CC2D2B: variants seen among roughly 807,000 people sequenced by gnomAD.
CC2D2B encodes the protein coiled-coil and C2 domain containing 2B.
A neutral mutation model predicts 161.2 loss-of-function variants in CC2D2B; 128 were observed. The ratio of observed to expected loss-of-function variants is 0.79; its 90% CI spans 0.69 to 0.92. The LOEUF is 0.92. Among genes scored for constraint, CC2D2B ranks in the 40% least tolerant of loss-of-function variants. The pLI, the probability that CC2D2B is intolerant of heterozygous loss-of-function variation, is 0.00. For missense variants in CC2D2B, 1,173 were observed against 1,375.1 expected (o/e 0.85, Z 2.32); for synonymous variants, 391 against 449.8 (o/e 0.87, Z 1.65).
intron 31 of CC2D2B, 59 bp downstream of exon 31, chr10:96,019,396 C>T: frequency 6.8e-7 from 1 of 1,461,142 alleles, no homozygotes; most frequent in South Asian, 1.3e-5. Context: ...CCTGGCTACA[C>T]ACTAGAATCA....
intron 9 of CC2D2B, among the ~76,000 whole-genome samples, chr10:95,943,097 G>A (rs1212768613): frequency 1.3e-5 from 2 of 152,054 alleles, no homozygotes; most frequent in Non-Finnish European, 2.9e-5. Flanking sequence ...TCAGTGTGAA[G>A]GCTCATTCTG....
At chr10:95,978,688 G>C (rs1428209715) in intron 17 of CC2D2B, among the ~76,000 whole-genome samples, 2 of 152,114 alleles carry the variant, frequency 1.3e-5, no homozygotes, top group Non-Finnish European at 2.9e-5. Context: ...CAGCCTATTA[G>C]CCACATCTCT....
intron 6 of CC2D2B, 41 bp downstream of exon 6, chr10:95,927,373 GA>G: frequency 1.9e-6 from 2 of 1,063,038 alleles, no homozygotes; most frequent in South Asian, 1.4e-5. Flanking sequence ...TCACTCTCAG[GA>G]AAAAATGATT....
intron 5 of CC2D2B, among the ~76,000 whole-genome samples, chr10:95,925,594 A>G (rs2098536992): frequency 6.6e-6 from 1 of 152,228 alleles, no homozygotes; most frequent in African/African-American, 2.4e-5. Context: ...TCATATTTTT[A>G]AAGAGTTATA....
chr10:95,947,115 T>A (rs28694788), intron 9 of CC2D2B, among the ~76,000 whole-genome samples: 2,066 of 25,492 alleles, frequency 0.081, 25 homozygotes, highest in African/African-American at 0.12. Flanking sequence ...ATATATATAT[T>A]TTTTTTTTTT....
intron 11 of CC2D2B, among the ~76,000 whole-genome samples, chr10:95,956,516 T>C (rs1375212056): frequency 6.6e-6 from 1 of 152,174 alleles, no homozygotes; most frequent in Non-Finnish European, 1.5e-5. Flanking sequence ...ATTTATAGAA[T>C]TGAAAAATAT....
intron 9 of CC2D2B, among the ~76,000 whole-genome samples, chr10:95,939,532 T>C (rs2075950494): frequency 6.6e-6 from 1 of 152,224 alleles, no homozygotes; most frequent in South Asian, 2.1e-4. Context: ...TATAGGTTTG[T>C]ATATGTTTAG....
intron 9 of CC2D2B, among the ~76,000 whole-genome samples, chr10:95,942,813 A>G (rs1365769003): frequency 6.6e-6 from 1 of 151,964 alleles, no homozygotes; most frequent in Non-Finnish European, 1.5e-5. Context: ...TTTTTCTTAT[A>G]GAAACTTTGA....
chr10:95,923,622 T>A (rs2098532338), intron 3 of CC2D2B, among the ~76,000 whole-genome samples: 1 of 152,196 alleles, frequency 6.6e-6, no homozygotes, highest in African/African-American at 2.4e-5. Flanking sequence ...TTTGTTTTGT[T>A]TTGTTTTGTT....
chr10:96,009,133 A>G (rs943772519), intron 25 of CC2D2B, among the ~76,000 whole-genome samples: 9 of 152,014 alleles, frequency 5.9e-5, no homozygotes, highest in African/African-American at 1.7e-4. Flanking sequence ...TAGTGTTTGT[A>G]TAACATATCT....
At chr10:96,011,157 G>A (rs1484573904) in intron 26 of CC2D2B, among the ~76,000 whole-genome samples, 1 of 152,234 alleles carries the variant, frequency 6.6e-6, no homozygotes, top group African/African-American at 2.4e-5. Context: ...AGGTAGGACA[G>A]TAGAGGTGCC....
At chr10:95,923,222 G>A (rs1309338070) in intron 3 of CC2D2B, among the ~76,000 whole-genome samples, 4 of 151,578 alleles carry the variant, frequency 2.6e-5, no homozygotes, top group East Asian at 1.9e-4. Flanking sequence ...GATTACAGGC[G>A]TGAGCCACTG....
intron 14 of CC2D2B, among the ~76,000 whole-genome samples, chr10:95,967,158 T>C (rs541538701): frequency 2.1e-4 from 32 of 152,248 alleles, no homozygotes; most frequent in African/African-American, 7.7e-4. Context: ...AAGTCACAAT[T>C]ATCACCACCC....
intron 19 of CC2D2B, among the ~76,000 whole-genome samples, chr10:95,985,584 C>A (rs2077685751): frequency 6.6e-6 from 1 of 152,080 alleles, no homozygotes; most frequent in Non-Finnish European, 1.5e-5. Flanking sequence ...CGCCCTAGGA[C>A]CCTGTGATGA....
Position 95,922,003 on chromosome 10 carries a change from G to A in CC2D2B, c.37-13G>A, listed in dbSNP as rs1225487629. The A allele has an allele frequency of 1.3e-6, 2 of 1,499,214 alleles. No individual in the cohort carries two copies. Among genetic ancestry groups the A allele is most frequent in the African/African-American group, 1.4e-5 (1 of 71,376 alleles). The allele number at this position is 1,499,214 out of a possible 1,614,324, so 92.9% of individuals were successfully genotyped here. A position where few individuals can be genotyped will look rare whatever the true frequency, so the allele number is the denominator to read the frequency against. ...ACAAGATGCAAGTTTAACCCTCCCT[G>A]CTTTTTTTGCAGATGTCAGAAGAGA... On this transcript the variant is annotated splice_polypyrimidine_tract_variant and intron_variant, in intron 2 of 34. Transcript: ENST00000646931.
At chr10:95,939,517 T>TG (rs2075949422) in intron 9 of CC2D2B, among the ~76,000 whole-genome samples, 1 of 131,110 alleles carries the variant, frequency 7.6e-6, no homozygotes, top group South Asian at 2.4e-4. Context: ...GTAGAAATGC[T>TG]GGGTTATAGG....
At chr10:95,926,815 AGTGTGTGTGTGTGTGTGT>A (rs71486778) in intron 5 of CC2D2B, among the ~76,000 whole-genome samples, 1 of 134,946 alleles carries the variant, frequency 7.4e-6, no homozygotes, top group Non-Finnish European at 1.6e-5. Flanking sequence ...CTGAGGTGGC[AGTGTGTGTGTGTGTGTGT>A]GTGTGTGTGT....
At chr10:96,022,853 G>A (rs2079529996) in intron 32 of CC2D2B, 1 of 152,434 alleles carries the variant, frequency 6.6e-6, no homozygotes, top group Admixed American at 6.5e-5. Context: ...GTGCACAGCA[G>A]GAGGCCCTGA....
At position 95,992,551 on chromosome 10, in the gene CC2D2B, G is replaced by A. The variant is rs994985743; in HGVS notation, c.2496G>A (p.Lys832=). 1 of 1,234,224 alleles carries A rather than the reference G, an allele frequency of 8.1e-7. No homozygotes were observed. The highest frequency in any genetic ancestry group is 3.2e-5 in the East Asian group (1 of 31,704). The allele number at this position is 1,234,224 out of a possible 1,614,324, so 76.5% of individuals were successfully genotyped here. Residue 832 remains lysine, a synonymous_variant, in exon 22 of 35, where the codon AAG becomes AAA. Transcript: ENST00000646931. ...GCCAATTGACAGATGCAGTTTGTAA[G>A]TTTGTTGAACCACGGAGAAAGTTAA... ...STSQLTDAVC[K]FVEPRRKLKP... is the part of the protein sequence containing the mutation.
Sources: allele counts gnomAD v4.1 joint callset (sites outside exome capture counted in the v4.1 genomes callset), GRCh38; gene constraint gnomAD v4.1.1; transcripts MANE v1.5; gene names NCBI Gene and HGNC (gene_info 2026-07-23, HGNC 2026-07-21).